FBXO25: variants seen among roughly 807,000 people sequenced by gnomAD.
The protein encoded by FBXO25 is F-box only protein 25.
Under a neutral mutation model 51.9 loss-of-function variants are expected in FBXO25, and 45 were observed. That is an observed-to-expected ratio of 0.87 (90% CI 0.68 to 1.11). The LOEUF (loss-of-function observed/expected upper bound fraction) is 1.11. Ranked by LOEUF, FBXO25 falls within the 50% of genes most tolerant of loss-of-function variation. The probability of loss-of-function intolerance (pLI) is 0.00; values close to 1 mark genes in which losing one functional copy is unlikely to be tolerated. For missense variants in FBXO25, 507 were observed against 428.5 expected (o/e 1.18, Z -1.62); for synonymous variants, 199 against 151.0 (o/e 1.32, Z -2.33).
At chr8:460,416 T>G (rs894164506) in intron 8 of FBXO25, among the ~76,000 whole-genome samples, 6 of 152,054 alleles carry the variant, frequency 3.9e-5, no homozygotes, top group Non-Finnish European at 8.8e-5. Flanking sequence ...AAAATAATGA[T>G]CTGTTCTTCA....
chr8:460,274 A>C (rs1799724906), intron 8 of FBXO25, among the ~76,000 whole-genome samples: 1 of 152,178 alleles, frequency 6.6e-6, no homozygotes, highest in South Asian at 2.1e-4. Flanking sequence ...CCATTCTTAA[A>C]AGAGTTGCTT....
chr8:470,974 C>G lies in FBXO25; in HGVS notation c.*2170C>G, dbSNP rs1238764325. The G allele has an allele frequency of 6.6e-6, 1 of 152,086 alleles. No individual in the cohort carries two copies. Among genetic ancestry groups the G allele is most frequent in the Non-Finnish European group, 1.5e-5 (1 of 68,020 alleles). 9.4% of individuals were successfully genotyped at this position (152,086 alleles called of 1,614,324 possible). On this transcript the variant is annotated 3_prime_UTR_variant, in exon 10 of 10. Transcript: ENST00000350302. ...CCTTTTGAAGTTGTGGTTCTTTCCCCTAATTTGTCATATACTGTTACTGTC... is the reference window on the plus strand; with the variant it reads ...CCTTTTGAAGTTGTGGTTCTTTCCCGTAATTTGTCATATACTGTTACTGTC...
At chr8:447,055 T>C (rs4045410) in intron 5 of FBXO25, among the ~76,000 whole-genome samples, 3 of 152,182 alleles carry the variant, frequency 2.0e-5, no homozygotes, top group African/African-American at 7.2e-5. Flanking sequence ...CAGAAGGGCT[T>C]AGGCTAACAA....
rs578096448 is a variant in FBXO25 at position 470,390 on chromosome 8, C to G, written c.*1586C>G. On this transcript the variant is annotated 3_prime_UTR_variant, in exon 10 of 10. Transcript: ENST00000350302. ...TTTGTTTTTGAGACAGGGTCTTGCT[C>G]TGTCACCCAGGCTGGAGTGCAGGGG... is the stretch of plus-strand genomic sequence containing the variant. 6.6e-6 allele frequency: 1 copy of G among 152,170 alleles called. No homozygotes were observed. The highest frequency in any genetic ancestry group is 2.4e-5 in the African/African-American group (1 of 41,420). 9.4% of individuals were successfully genotyped at this position (152,170 alleles called of 1,614,324 possible). A position where few individuals can be genotyped will look rare whatever the true frequency, so the allele number is the denominator to read the frequency against.
At chr8:445,706 G>T (rs182676101) in intron 5 of FBXO25, among the ~76,000 whole-genome samples, 200 of 152,174 alleles carry the variant, frequency 1.3e-3, no homozygotes, top group African/African-American at 4.6e-3. Context: ...ACAGAACTTA[G>T]CCAGGCATAC....
At chr8:423,960 C>G (rs947731878) in intron 2 of FBXO25, among the ~76,000 whole-genome samples, 2 of 152,088 alleles carry the variant, frequency 1.3e-5, no homozygotes, top group African/African-American at 4.8e-5. Context: ...CATCTGTTGT[C>G]TTTGACTTTT....
At chr8:427,524 T>C (rs1797566936) in intron 2 of FBXO25, among the ~76,000 whole-genome samples, 1 of 151,354 alleles carries the variant, frequency 6.6e-6, no homozygotes, top group Non-Finnish European at 1.5e-5. Flanking sequence ...GATACTTTTA[T>C]TCATTTTCTG....
At chr8:457,310 A>G (rs957398129) in intron 7 of FBXO25, among the ~76,000 whole-genome samples, 1 of 152,198 alleles carries the variant, frequency 6.6e-6, no homozygotes, top group Non-Finnish European at 1.5e-5. Flanking sequence ...AGTCTGAAAC[A>G]GTTTGAGCTC....
intron 5 of FBXO25, among the ~76,000 whole-genome samples, chr8:445,125 T>C (rs569696361): frequency 1.2e-4 from 19 of 152,336 alleles, no homozygotes; most frequent in African/African-American, 4.3e-4. Flanking sequence ...AAATGTAATC[T>C]TGTCAACTGT....
In FBXO25 at chr8:477,310, C is replaced by A. The variant is rs1800674199; in HGVS notation, c.*8506C>A. On this transcript the variant is annotated 3_prime_UTR_variant, in exon 10 of 10. Transcript: ENST00000350302. ...ATGCTGTTCAAGTTCTGTCTTGCGA[C>A]TGATCTTCTGTCTGGTTGTCCTATC... The A allele has an allele frequency of 6.6e-6, 1 of 152,216 alleles. No individual in the cohort carries two copies. 9.4% of individuals were successfully genotyped at this position (152,216 alleles called of 1,614,324 possible).
intron 2 of FBXO25, among the ~76,000 whole-genome samples, chr8:427,440 T>G (rs1487705130): frequency 1.3e-5 from 2 of 151,270 alleles, no homozygotes; most frequent in African/African-American, 4.9e-5. Context: ...TTTTTCTCCC[T>G]AAAGTCTCTT....
At chr8:410,564 G>C (rs1796427746) in intron 1 of FBXO25, among the ~76,000 whole-genome samples, 1 of 152,136 alleles carries the variant, frequency 6.6e-6, no homozygotes, top group East Asian at 1.9e-4. Flanking sequence ...TGCCACTTCA[G>C]TCATCTGCTA....
chr8:455,321 T>C (rs1799356025), intron 7 of FBXO25, among the ~76,000 whole-genome samples: 1 of 152,178 alleles, frequency 6.6e-6, no homozygotes, highest in South Asian at 2.1e-4. Context: ...TAAACCCTCA[T>C]TGCATTCATG....
chr8:419,949 A>G (rs924138428), intron 2 of FBXO25, among the ~76,000 whole-genome samples: 5 of 152,222 alleles, frequency 3.3e-5, no homozygotes, highest in East Asian at 3.8e-4. Flanking sequence ...AAATTGGGCA[A>G]TAGTTTCGGT....
At chr8:424,226 T>C (rs562014381) in intron 2 of FBXO25, among the ~76,000 whole-genome samples, 1 of 152,044 alleles carries the variant, frequency 6.6e-6, no homozygotes, top group African/African-American at 2.4e-5. Context: ...GGGTTGTTTG[T>C]TTTTTTGCAT....
At chr8:421,992 A>G (rs541545329) in intron 2 of FBXO25, among the ~76,000 whole-genome samples, 6 of 152,362 alleles carry the variant, frequency 3.9e-5, no homozygotes, top group African/African-American at 1.4e-4. Flanking sequence ...AGGGATAAGG[A>G]ACAGTTCTTC....
chr8:432,004 T>A (rs1037296556), intron 3 of FBXO25, among the ~76,000 whole-genome samples: 1 of 151,966 alleles, frequency 6.6e-6, no homozygotes, highest in Admixed American at 6.6e-5. Context: ...GATACTATGG[T>A]TTTTTTTATG....
At position 448,050 on chromosome 8, in the gene FBXO25, A is replaced by T. The variant is rs117076086; in HGVS notation, c.382-1940A>T. On this transcript the variant is annotated intron_variant, in intron 5 of 9. Transcript: ENST00000350302. ...TGGAAATAATACGAATGAGAAAATT[A>T]ATAAGAATGAAACCGTAATCATGAG... Among the ~76,000 whole-genome samples the T allele has an allele frequency of 5.5e-3, 840 of 152,324 alleles. 19 individuals carry two copies. Among genetic ancestry groups the T allele is most frequent in the Admixed American group, 0.032 (485 of 15,294 alleles).
In FBXO25 at chr8:463,169, T is replaced by G; in HGVS notation, c.987+19T>G. 2 of 1,601,402 alleles carry G rather than the reference T, an allele frequency of 1.2e-6. No individual in the cohort carries two copies. Among genetic ancestry groups the G allele is most frequent in the South Asian group, 1.1e-5 (1 of 87,286 alleles). On this transcript the variant is annotated intron_variant, in intron 9 of 9. Coordinates refer to ENST00000350302, the MANE Select transcript of FBXO25 (RefSeq NM_183420.2). ...TTGGAAGGTACTGATTTAAATGCAC[T>G]CTTGGAATTTCAGGATTAAATTTTG...
Sources: gnomAD v4.1 joint callset for allele counts (sites outside exome capture counted in the v4.1 genomes callset) on GRCh38, gnomAD v4.1.1 for gene constraint, MANE v1.5 for transcripts, NCBI Gene and HGNC (gene_info 2026-07-23, HGNC 2026-07-21) for gene names.